Variants in RBFOX1 observed in about 807,000 individuals in gnomAD.
The protein encoded by RBFOX1 is RNA binding fox-1 homolog 1.
In RBFOX1, 8 loss-of-function variants were observed where a neutral mutation model predicts 57.7. That is an observed-to-expected ratio of 0.14 (90% confidence interval 0.08 to 0.25). RBFOX1 has a LOEUF of 0.25. RBFOX1 is among the 10% of genes least tolerant of loss of function. RBFOX1 has a pLI of 1.00. For missense variants in RBFOX1, 611 were observed against 548.5 expected (o/e 1.11, Z -1.14); for synonymous variants, 326 against 222.4 (o/e 1.47, Z -4.15).
rs1351257463 is a variant in RBFOX1 at position 6,601,197 on chromosome 16, A to C, written c.-63-53406A>C. On this transcript the variant is annotated intron_variant, in intron 2 of 15. Coordinates refer to ENST00000550418, the MANE Select transcript of RBFOX1 (RefSeq NM_018723.4). ...TATCCAACTTAGTACTTGTTTTTTT[A>C]AGATCATGAAATGGAAGAGTCTTTT... Among the ~76,000 whole-genome samples, 4 of 152,204 alleles carry C rather than the reference A, an allele frequency of 2.6e-5. No homozygotes were observed. The East Asian group carries it at 7.7e-4, about 29-fold the overall frequency.
intron 3 of RBFOX1, among the ~76,000 whole-genome samples, chr16:5,750,486 A>C (rs1428328419): frequency 6.6e-6 from 1 of 152,218 alleles, no homozygotes; most frequent in East Asian, 1.9e-4. Flanking sequence ...AGAGGCAGGC[A>C]GGCCTCCTTG....
chr16:5,797,143 T>C (rs1380541429), intron 3 of RBFOX1, among the ~76,000 whole-genome samples: 2 of 152,180 alleles, frequency 1.3e-5, no homozygotes, highest in African/African-American at 4.8e-5. Flanking sequence ...AGTGGTGACA[T>C]TGACACTGAG....
chr16:7,089,863 G>T (rs571322401), intron 4 of RBFOX1, among the ~76,000 whole-genome samples: 11 of 151,470 alleles, frequency 7.3e-5, no homozygotes, highest in Admixed American at 5.9e-4. Context: ...TTCCTTTCCT[G>T]TGCTCAAGTA....
intron 4 of RBFOX1, among the ~76,000 whole-genome samples, chr16:7,357,989 C>G (rs1448317338): frequency 6.6e-6 from 1 of 152,084 alleles, no homozygotes; most frequent in Non-Finnish European, 1.5e-5. Flanking sequence ...GCCTGAGAAT[C>G]ACGTTATCTT....
intron 3 of RBFOX1, among the ~76,000 whole-genome samples, chr16:6,665,803 A>C (rs1187882148): frequency 6.6e-6 from 1 of 152,196 alleles, no homozygotes; most frequent in East Asian, 1.9e-4. Context: ...GAATCCTTAG[A>C]AAGATCCTTT....
At chr16:7,521,378 A>G (rs1276772865) in intron 5 of RBFOX1, among the ~76,000 whole-genome samples, 1 of 152,246 alleles carries the variant, frequency 6.6e-6, no homozygotes, top group African/African-American at 2.4e-5. Context: ...ATGGGAAACC[A>G]TTAAAAAGAG....
At chr16:7,638,692 A>T (rs1385488637) in intron 11 of RBFOX1, among the ~76,000 whole-genome samples, 1 of 152,216 alleles carries the variant, frequency 6.6e-6, no homozygotes, top group Non-Finnish European at 1.5e-5. Context: ...AACTCTTGTT[A>T]TAGCTTGAAA....
At chr16:6,590,724 G>T (rs900792019) in intron 2 of RBFOX1, among the ~76,000 whole-genome samples, 3 of 152,144 alleles carry the variant, frequency 2.0e-5, no homozygotes, top group Non-Finnish European at 4.4e-5. Flanking sequence ...TCGTATTGAC[G>T]GTCGTACATT....
chr16:5,560,633 TTTTCACCTTATGC>T (rs1165840302), intron 2 of RBFOX1, among the ~76,000 whole-genome samples: 1 of 152,146 alleles, frequency 6.6e-6, no homozygotes, highest in Non-Finnish European at 1.5e-5. Context: ...AATAAATGAT[TTTTCACCTTATGC>T]TTTTATTCCT....
rs565190800 is a variant in RBFOX1, at chr16:7,179,052, C to T, written c.27+126954C>T. On this transcript the variant is annotated intron_variant, in intron 4 of 15. Transcript: ENST00000550418. ...AATAGTTCTGCTTTTATTTTTATGG[C>T]TATTTCTTTAATCTGATGCATAATT... 2.0e-5 allele frequency among the ~76,000 whole-genome samples: 3 copies of T among 152,136 alleles called. No homozygotes were observed. The East Asian group carries it at 5.8e-4, about 29-fold the overall frequency.
At chr16:6,198,172 C>CT (rs1228693573) in intron 1 of RBFOX1, among the ~76,000 whole-genome samples, 1 of 152,114 alleles carries the variant, frequency 6.6e-6, no homozygotes, top group Non-Finnish European at 1.5e-5. Context: ...TTGGCAGCCA[C>CT]TTATAAGTGA....
At chr16:7,097,095 A>G (rs2061831056) in intron 4 of RBFOX1, among the ~76,000 whole-genome samples, 1 of 152,180 alleles carries the variant, frequency 6.6e-6, no homozygotes, top group Non-Finnish European at 1.5e-5. Context: ...GAGATCTAGG[A>G]CAAAAACAAA....
At chr16:6,338,842 C>G (rs768081748) in intron 2 of RBFOX1, among the ~76,000 whole-genome samples, 3 of 152,142 alleles carry the variant, frequency 2.0e-5, no homozygotes, top group Admixed American at 2.0e-4. Context: ...GGAACTTAAT[C>G]TTTTATTTTG....
At chr16:6,178,478 C>G (rs1397987689) in intron 1 of RBFOX1, among the ~76,000 whole-genome samples, 2 of 152,106 alleles carry the variant, frequency 1.3e-5, no homozygotes, top group Non-Finnish European at 2.9e-5. Context: ...TCTTGTTTAC[C>G]TGTTTCTGCC....
At chr16:6,952,447 G>C (rs894341447) in intron 3 of RBFOX1, among the ~76,000 whole-genome samples, 1 of 152,056 alleles carries the variant, frequency 6.6e-6, no homozygotes, top group African/African-American at 2.4e-5. Flanking sequence ...AGGAGTTTGA[G>C]ACCAGCCTGG....
At chr16:5,400,259 T>A (rs886845635) in intron 1 of RBFOX1, among the ~76,000 whole-genome samples, 1 of 151,916 alleles carries the variant, frequency 6.6e-6, no homozygotes, top group African/African-American at 2.4e-5. Context: ...ACCCGGCTGA[T>A]TTTTGTATTT....
chr16:5,979,578 A>G (rs1408521557), intron 4 of RBFOX1, among the ~76,000 whole-genome samples: 1 of 152,216 alleles, frequency 6.6e-6, no homozygotes, highest in Non-Finnish European at 1.5e-5. Flanking sequence ...ATTAAAATGC[A>G]GCTGGCTGGG....
At chr16:5,813,959 G>C (rs902569243) in intron 3 of RBFOX1, among the ~76,000 whole-genome samples, 4 of 152,144 alleles carry the variant, frequency 2.6e-5, no homozygotes, top group Admixed American at 1.3e-4. Flanking sequence ...ACGTTATTAT[G>C]GCAAAAACCA....
chr16:6,891,409 G>T (rs963149974), intron 3 of RBFOX1, among the ~76,000 whole-genome samples: 1 of 151,994 alleles, frequency 6.6e-6, no homozygotes, highest in Non-Finnish European at 1.5e-5. Context: ...CCAGAAACCC[G>T]TTTGCCTTTT....
Sources: gnomAD v4.1 joint callset for allele counts (sites outside exome capture counted in the v4.1 genomes callset) on GRCh38, gnomAD v4.1.1 for gene constraint, MANE v1.5 for transcripts, NCBI Gene and HGNC (gene_info 2026-07-23, HGNC 2026-07-21) for gene names.